The following SYTL3 variants were observed in gnomAD, a reference collection of about 807,000 sequenced individuals.
SYTL3 encodes synaptotagmin-like protein 3.
SYTL3 carries 88 observed loss-of-function variants against 82.1 expected under a neutral mutation model. The ratio of observed to expected loss-of-function variants is 1.07; its 90% CI spans 0.90 to 1.28. SYTL3 has a LOEUF of 1.28. Among genes scored for constraint, SYTL3 ranks in the 50% most tolerant of loss-of-function variants. The pLI, the probability that SYTL3 is intolerant of heterozygous loss-of-function variation, is 0.00. For missense variants in SYTL3, 831 were observed against 757.6 expected (o/e 1.10, Z -1.14); for synonymous variants, 311 against 289.4 (o/e 1.07, Z -0.76).
chr6:158,763,505 T>C lies in SYTL3; in HGVS notation c.1719T>C (p.Gly573=). 1 of 1,613,866 alleles carries C rather than the reference T, an allele frequency of 6.2e-7. No individual in the cohort carries two copies. Among genetic ancestry groups the C allele is most frequent in the Non-Finnish European group, 8.5e-7 (1 of 1,179,784 alleles). The part of the protein sequence containing the change: ...NDRLLGGTRL[G]SKGDTAVGGD... Reference sequence around the variant, plus strand: ...GCTTGCTTGGAGGAACCAGACTTGGTTCAAGTAAGTCTGAGACATTGAGCC... The same window carrying C: ...GCTTGCTTGGAGGAACCAGACTTGGCTCAAGTAAGTCTGAGACATTGAGCC... The change falls in exon 17 of 18, where the codon GGT becomes GGC. Residue 573 remains glycine, a synonymous_variant. Transcript: ENST00000611299.
intron 11 of SYTL3, among the ~76,000 whole-genome samples, chr6:158,742,075 T>C (rs1194350008): frequency 6.6e-6 from 1 of 152,252 alleles, no homozygotes; most frequent in Non-Finnish European, 1.5e-5. Context: ...TGCTTTATGA[T>C]CCATTTTGAA....
At chr6:158,710,101 C>G (rs1210915032) in intron 8 of SYTL3, among the ~76,000 whole-genome samples, 1 of 152,060 alleles carries the variant, frequency 6.6e-6, no homozygotes, top group Non-Finnish European at 1.5e-5. Flanking sequence ...AATAAATAGG[C>G]AAAAACAGCA....
chr6:158,680,370 C>A (rs992120979), intron 5 of SYTL3, among the ~76,000 whole-genome samples: 1 of 152,140 alleles, frequency 6.6e-6, no homozygotes, highest in Non-Finnish European at 1.5e-5. Flanking sequence ...AAACTTTTCC[C>A]TGTCTTTGTA....
At chr6:158,757,073 T>C (rs1789216490) in intron 13 of SYTL3, 138 bp from the exon 14 acceptor site, 1 of 581,146 alleles carries the variant, frequency 1.7e-6, no homozygotes, top group Non-Finnish European at 2.6e-6. Flanking sequence ...TGCATCCGCA[T>C]CTTGGACTCA....
Position 158,712,248 on chromosome 6 carries a change from C to CCA in SYTL3, c.517-1551_517-1550insAC, listed in dbSNP as rs528172728. On this transcript the variant is annotated intron_variant, in intron 8 of 17. Transcript: ENST00000611299. ...TTTGCTGTATTTGTTCTCCTTGGGC[C>CCA]CCTGGTTGAGTGGGTGGTGCCTGCC... Among the ~76,000 whole-genome samples the CCA allele has an allele frequency of 1.3e-3, 204 of 152,162 alleles. 1 individual carries two copies. Among genetic ancestry groups the CCA allele is most frequent in the African/African-American group, 4.7e-3 (195 of 41,514 alleles).
At chr6:158,759,849 C>T (rs942928273) in intron 14 of SYTL3, among the ~76,000 whole-genome samples, 7 of 152,092 alleles carry the variant, frequency 4.6e-5, no homozygotes, top group Admixed American at 1.3e-4. Flanking sequence ...GCATTGAATG[C>T]AACCCAACAC....
chr6:158,708,528 A>G, intron 8 of SYTL3, 137 bp downstream of exon 8: 1 of 810,278 alleles, frequency 1.2e-6, no homozygotes, highest in Non-Finnish European at 2.0e-6. Flanking sequence ...GCGGGTCACA[A>G]AGCGGGGTGG....
chr6:158,728,678 T>C (rs890735775), intron 11 of SYTL3, among the ~76,000 whole-genome samples: 20 of 151,212 alleles, frequency 1.3e-4, no homozygotes, highest in Admixed American at 1.2e-3. Flanking sequence ...CGGTGGCTCA[T>C]GCCTGTAATC....
At chr6:158,673,868 G>T (rs557120807) in intron 5 of SYTL3, among the ~76,000 whole-genome samples, 1 of 151,208 alleles carries the variant, frequency 6.6e-6, no homozygotes, top group Admixed American at 6.6e-5. Context: ...CGGATCACTT[G>T]AGGTCAGGAA....
intron 15 of SYTL3, among the ~76,000 whole-genome samples, chr6:158,761,472 TTTTGTTTTTTTTC>T (rs1789942506): frequency 1.3e-5 from 2 of 151,472 alleles, no homozygotes; most frequent in African/African-American, 4.9e-5. Flanking sequence ...CCGGCTAATT[TTTTGTTTTTTTTC>T]TTTAAGTAGA....
At chr6:158,651,949 A>T (rs1788071437) in intron 2 of SYTL3, 107 bp downstream of exon 2, 1 of 151,094 alleles carries the variant, frequency 6.6e-6, no homozygotes, top group Admixed American at 6.6e-5. Context: ...TTTATTTGAG[A>T]TGGAGTCTCA....
chr6:158,704,002 T>A (rs1475724435), intron 6 of SYTL3, among the ~76,000 whole-genome samples: 1 of 151,826 alleles, frequency 6.6e-6, no homozygotes, highest in Admixed American at 6.6e-5. Flanking sequence ...AATCTTTGTA[T>A]TTTTAGTAGA....
intron 10 of SYTL3, among the ~76,000 whole-genome samples, chr6:158,719,363 T>G (rs924255528): frequency 5.1e-4 from 77 of 152,342 alleles, no homozygotes; most frequent in African/African-American, 1.7e-3. Context: ...TCTGAGGCAG[T>G]GATTCCCAGC....
chr6:158,754,083 G>T (rs1290805849), intron 13 of SYTL3, among the ~76,000 whole-genome samples: 3 of 152,124 alleles, frequency 2.0e-5, no homozygotes, highest in African/African-American at 7.2e-5. Flanking sequence ...GGCTTTGTGC[G>T]ACCTGAGGTG....
intron 11 of SYTL3, among the ~76,000 whole-genome samples, chr6:158,740,041 G>T (rs1786733076): frequency 7.6e-6 from 1 of 131,298 alleles, no homozygotes. Context: ...CTGTCACCTA[G>T]GCTGGAGGGC....
At chr6:158,708,512 C>A in intron 8 of SYTL3, 121 bp downstream of exon 8, 1 of 955,140 alleles carries the variant, frequency 1.0e-6, no homozygotes, top group Non-Finnish European at 1.6e-6. Context: ...TCTGACTGTG[C>A]CTGGAGCGGG....
At chr6:158,652,960 T>G (rs1178529524) in intron 2 of SYTL3, among the ~76,000 whole-genome samples, 1 of 152,160 alleles carries the variant, frequency 6.6e-6, no homozygotes, top group Non-Finnish European at 1.5e-5. Flanking sequence ...GACAGGGCCG[T>G]GCAAATAAAG....
intron 5 of SYTL3, among the ~76,000 whole-genome samples, chr6:158,670,119 C>T (rs571852790): frequency 6.6e-6 from 1 of 152,256 alleles, no homozygotes; most frequent in African/African-American, 2.4e-5. Context: ...ATGTTTCTGC[C>T]TAAAGTAAAC....
At chr6:158,661,604 C>G (rs1789390196) in intron 3 of SYTL3, among the ~76,000 whole-genome samples, 1 of 152,160 alleles carries the variant, frequency 6.6e-6, no homozygotes, top group African/African-American at 2.4e-5. Flanking sequence ...ATATTGAATT[C>G]CTGAACTGAG....
Sources: gnomAD v4.1 joint callset for allele counts (sites outside exome capture counted in the v4.1 genomes callset) on GRCh38, gnomAD v4.1.1 for gene constraint, MANE v1.5 for transcripts, NCBI Gene and HGNC (gene_info 2026-07-23, HGNC 2026-07-21) for gene names.